The following SMARCA2 variants were observed in gnomAD, a reference collection of about 807,000 sequenced individuals.
SMARCA2 encodes SWI/SNF related BAF chromatin remodeling complex subunit ATPase 2.
In SMARCA2, 61 loss-of-function variants were observed where a neutral mutation model predicts 199.8. The observed-to-expected ratio is 0.31, with a 90% CI of 0.25 to 0.38. SMARCA2 has a LOEUF of 0.38. Among genes scored for constraint, SMARCA2 ranks in the 10% least tolerant of loss-of-function variants. The pLI, the probability that SMARCA2 is intolerant of heterozygous loss-of-function variation, is 1.00. For missense variants in SMARCA2, 1,344 were observed against 2,012.2 expected, an observed-to-expected ratio of 0.67 and a Z score of 6.35; for synonymous variants, 935 against 732.0, an observed-to-expected ratio of 1.28 and a Z score of -4.48.
At position 2,073,714 on chromosome 9, in the gene SMARCA2, TC is replaced by T. The variant is rs1821188244; in HGVS notation, c.1935+92del. ...AATGTAAGCCCGGGCCTTGGGTCCTTCTATCATTTCTTCCTCCAGGATTGGC... is the reference window on the plus strand; with the variant it reads ...AATGTAAGCCCGGGCCTTGGGTCCTTTATCATTTCTTCCTCCAGGATTGGC... On this transcript the variant is annotated intron_variant, in intron 12 of 33. Coordinates refer to ENST00000349721, the MANE Select transcript of SMARCA2 (RefSeq NM_003070.5). The T allele has an allele frequency of 6.7e-6, 6 of 897,680 alleles. No homozygotes were observed. In the East Asian group the frequency reaches 1.5e-4, roughly 23 times the overall value. 55.6% of individuals were successfully genotyped at this position (897,680 alleles called of 1,614,324 possible). A position where few individuals can be genotyped will look rare whatever the true frequency, so the allele number is the denominator to read the frequency against.
At position 2,047,281 on chromosome 9, in the gene SMARCA2, C is replaced by G. The variant is rs1192624602; in HGVS notation, c.843C>G (p.Pro281=). The G allele has an allele frequency of 8.1e-6, 8 of 993,646 alleles. No homozygotes were observed. The highest frequency in any genetic ancestry group is 9.6e-6 in the Non-Finnish European group (8 of 836,794). 61.6% of individuals were successfully genotyped at this position (993,646 alleles called of 1,614,324 possible). The change falls in exon 5 of 34, where the codon CCC becomes CCG. Residue 281 remains proline (P), a synonymous_variant. Transcript: ENST00000349721. ...GPSTPQKLPV[P]APGGRPSPAP... ...GCACCCCGCAGAAGCTGCCGGTGCC[C>G]GCGCCCGGCGGCCGGCCCTCGCCCG...
chr9:2,176,863 G>C (rs1318466011), intron 29 of SMARCA2, among the ~76,000 whole-genome samples: 4 of 152,016 alleles, frequency 2.6e-5, no homozygotes, highest in Non-Finnish European at 5.9e-5. Flanking sequence ...CCAACATTGG[G>C]GTGATTTTAA....
chr9:2,051,065 T>C (rs1820097829), intron 5 of SMARCA2, among the ~76,000 whole-genome samples: 1 of 152,198 alleles, frequency 6.6e-6, no homozygotes, highest in Non-Finnish European at 1.5e-5. Context: ...GACTACCTGC[T>C]GAATCTCACT....
At chr9:2,076,086 GT>G (rs1295099841) in intron 12 of SMARCA2, 142 bp from the exon 13 acceptor site, 66 of 620,594 alleles carry the variant, frequency 1.1e-4, no homozygotes, top group Non-Finnish European at 5.5e-5. Flanking sequence ...TTAAGTAGAT[GT>G]TACATTTACT....
At chr9:2,018,682 C>G (rs1818469646) in intron 1 of SMARCA2, among the ~76,000 whole-genome samples, 2 of 152,224 alleles carry the variant, frequency 1.3e-5, no homozygotes, top group African/African-American at 4.8e-5. Flanking sequence ...GAGATTGTTG[C>G]TTGGGCGTTG....
At chr9:2,053,906 G>A (rs953157037) in intron 5 of SMARCA2, among the ~76,000 whole-genome samples, 2 of 152,162 alleles carry the variant, frequency 1.3e-5, no homozygotes, top group African/African-American at 4.8e-5. Context: ...TGTGTAAAAC[G>A]AGAATCCTCA....
At chr9:2,126,819 A>G (rs1045777290) in intron 27 of SMARCA2, among the ~76,000 whole-genome samples, 2 of 152,260 alleles carry the variant, frequency 1.3e-5, no homozygotes, top group African/African-American at 4.8e-5. Context: ...GGCCACCCCT[A>G]GAAGGAAAAA....
chr9:2,055,522 C>A (rs957168863), intron 6 of SMARCA2: 5 of 152,134 alleles, frequency 3.3e-5, no homozygotes, highest in African/African-American at 1.2e-4. Flanking sequence ...CTGGAACATG[C>A]GAAATGAATA....
rs1315032476 is a variant in SMARCA2 at position 2,161,472 on chromosome 9, C to T, written c.3982-214C>T. ...TTTTGGGCCTTCAGTGTGTTTTGCT[C>T]ATGAAACAGACTTGAGTTAAAGATG... On this transcript the variant is annotated intron_variant, in intron 27 of 33. Coordinates refer to ENST00000349721, the MANE Select transcript of SMARCA2 (RefSeq NM_003070.5). This position sits in a 1 kb window ranked among gnomAD's most constrained non-coding sequence, Gnocchi z 4.7. Among the ~76,000 whole-genome samples, 3 of 152,170 alleles carry T rather than the reference C, an allele frequency of 2.0e-5. No individual in the cohort carries two copies. Among genetic ancestry groups the T allele is most frequent in the African/African-American group, 7.2e-5 (3 of 41,450 alleles).
At chr9:2,088,697 T>A in intron 19 of SMARCA2, 84 bp downstream of exon 19, 1 of 923,524 alleles carries the variant, frequency 1.1e-6, no homozygotes, top group Non-Finnish European at 1.7e-6. Flanking sequence ...ATTGTGTTTC[T>A]GAAACAGCAG....
At chr9:2,105,635 A>G (rs539489194) in intron 23 of SMARCA2, among the ~76,000 whole-genome samples, 1 of 152,200 alleles carries the variant, frequency 6.6e-6, no homozygotes, top group African/African-American at 2.4e-5. Context: ...ATACAGTCCT[A>G]TTAGGCACAG....
intron 31 of SMARCA2, among the ~76,000 whole-genome samples, chr9:2,185,159 G>A (rs986018928): frequency 2.0e-5 from 3 of 152,160 alleles, no homozygotes; most frequent in Non-Finnish European, 2.9e-5. Context: ...CTGAAACTGC[G>A]TGCCTACGAA....
rs1431929567 is a variant in SMARCA2, at chr9:2,017,437, G to A, written c.-37+2033G>A. The A allele has an allele frequency of 6.6e-6, 1 of 151,992 alleles. No individual in the cohort carries two copies. Among genetic ancestry groups the A allele is most frequent in the East Asian group, 1.9e-4 (1 of 5,142 alleles). The allele number at this position is 151,992 out of a possible 1,614,324, so 9.4% of individuals were successfully genotyped here. A position where few individuals can be genotyped will look rare whatever the true frequency, so the allele number is the denominator to read the frequency against. The stretch of plus-strand genomic sequence containing the variant: ...GTGCGCGCAGGAGCCAGTGCGTCGG[G>A]AGCAGCGGCTCGGGCAGCTGCTCCT... On this transcript the variant is annotated intron_variant, in intron 1 of 33. Transcript: ENST00000349721. The surrounding 1 kb of genome is among the most constrained non-coding windows in gnomAD (Gnocchi z 8.8).
At chr9:2,109,695 C>CA (rs1186839239) in intron 23 of SMARCA2, among the ~76,000 whole-genome samples, 134 of 147,712 alleles carry the variant, frequency 9.1e-4, no homozygotes, top group African/African-American at 2.3e-3. Flanking sequence ...ATTCCATTTG[C>CA]AAAAAAAAAA....
rs1160519046 is a variant in SMARCA2 at position 2,086,810 on chromosome 9, C to A, written c.2527-19C>A. ...TTTCCCTTGCTTACTACACGTCCGT[C>A]CTTCCTCTTGTGTTATAGATTCGGT... On this transcript the variant is annotated intron_variant, in intron 17 of 33. Coordinates refer to ENST00000349721, the MANE Select transcript of SMARCA2 (RefSeq NM_003070.5). This position sits in a 1 kb window ranked among gnomAD's most constrained non-coding sequence, Gnocchi z 4.3. 1.9e-6 allele frequency: 3 copies of A among 1,613,778 alleles called. No individual in the cohort carries two copies. Among genetic ancestry groups the A allele is most frequent in the Non-Finnish European group, 2.5e-6 (3 of 1,179,788 alleles).
At chr9:2,133,168 A>G (rs1005594045) in intron 27 of SMARCA2, among the ~76,000 whole-genome samples, 6 of 152,258 alleles carry the variant, frequency 3.9e-5, no homozygotes, top group Non-Finnish European at 5.9e-5. Flanking sequence ...CAATAATTTC[A>G]CATTATCTTT....
At chr9:2,070,537 C>G (rs112771812) in intron 10 of SMARCA2, 66 bp downstream of exon 10, 2 of 1,149,372 alleles carry the variant, frequency 1.7e-6, no homozygotes, top group Non-Finnish European at 2.6e-6. Flanking sequence ...CTGGCAGCAC[C>G]ATTCTTCATG....
intron 15 of SMARCA2, 70 bp from the exon 16 acceptor site, chr9:2,083,277 G>T: frequency 2.0e-6 from 2 of 1,002,768 alleles, no homozygotes; most frequent in South Asian, 1.4e-5. Flanking sequence ...ACATGAATAA[G>T]AACATCTTTT....
chr9:2,174,923 TCAAAAAAAAAAAAAAAAAAAA>T (rs1826463350), intron 29 of SMARCA2, among the ~76,000 whole-genome samples: 1 of 16,798 alleles, frequency 6.0e-5, no homozygotes, highest in Admixed American at 1.2e-3. Context: ...AGACCCTCTC[TCAAAAAAAAAAAAAAAAAAAA>T]AAAAAAAAGG....
Sources: allele counts gnomAD v4.1 joint callset (sites outside exome capture counted in the v4.1 genomes callset), GRCh38; gene constraint gnomAD v4.1.1; non-coding constraint Gnocchi (gnomAD v3.1); transcripts MANE v1.5; gene names NCBI Gene and HGNC (gene_info 2026-07-23, HGNC 2026-07-21).